DAB1: variants seen among roughly 807,000 people sequenced by gnomAD.
The protein encoded by DAB1 is DAB adaptor protein 1, also known as disabled homolog 1.
A neutral mutation model predicts 64.6 loss-of-function variants in DAB1; 15 were observed. The ratio of observed to expected loss-of-function variants is 0.23; its 90% CI spans 0.16 to 0.36. The LOEUF is 0.36. Among genes scored for constraint, DAB1 ranks in the 10% least tolerant of loss-of-function variants. The probability of loss-of-function intolerance (pLI) is 1.00; values close to 1 mark genes in which losing one functional copy is unlikely to be tolerated. For missense variants in DAB1, 596 were observed against 706.7 expected (o/e 0.84, Z 1.78); for synonymous variants, 235 against 251.9 (o/e 0.93, Z 0.64).
At chr1:58,419,201 G>A (rs577139141) in intron 3 of DAB1, among the ~76,000 whole-genome samples, 201 of 152,268 alleles carry the variant, frequency 1.3e-3, no homozygotes, top group African/African-American at 4.4e-3. Flanking sequence ...CTCCCCATGA[G>A]TTCCTTGTAC....
At chr1:57,828,244 C>T (rs1652442716) in intron 1 of DAB1, among the ~76,000 whole-genome samples, 3 of 152,092 alleles carry the variant, frequency 2.0e-5, no homozygotes, top group South Asian at 2.1e-4. Context: ...CATGCCTGGC[C>T]GATCATCCCC....
chr1:58,100,017 C>T (rs973358596), intron 5 of DAB1, among the ~76,000 whole-genome samples: 1 of 152,196 alleles, frequency 6.6e-6, no homozygotes, highest in Non-Finnish European at 1.5e-5. Context: ...ACTTGCTTAT[C>T]ACCACCCTGA....
intron 5 of DAB1, among the ~76,000 whole-genome samples, chr1:58,137,189 A>C (rs1386008805): frequency 6.6e-6 from 1 of 152,238 alleles, no homozygotes; most frequent in Non-Finnish European, 1.5e-5. Flanking sequence ...TCATAGAATT[A>C]CAAGACTAAA....
At chr1:57,128,947 A>C (rs113071872) in intron 4 of DAB1, among the ~76,000 whole-genome samples, 2 of 152,136 alleles carry the variant, frequency 1.3e-5, no homozygotes, top group African/African-American at 4.8e-5. Context: ...CAGCTCCACA[A>C]TGTACTGGAT....
At chr1:57,789,417 G>C (rs1650488910) in intron 6 of DAB1, among the ~76,000 whole-genome samples, 1 of 152,102 alleles carries the variant, frequency 6.6e-6, no homozygotes, top group Admixed American at 6.6e-5. Context: ...AACAGAAATG[G>C]GTGGCTTGAA....
At chr1:58,084,774 A>G (rs1316130556) in intron 5 of DAB1, among the ~76,000 whole-genome samples, 1 of 149,194 alleles carries the variant, frequency 6.7e-6, no homozygotes, top group East Asian at 2.0e-4. Context: ...TATATATTAC[A>G]TATTATATAT....
At chr1:57,546,395 T>C (rs1644857162) in intron 7 of DAB1, among the ~76,000 whole-genome samples, 1 of 152,194 alleles carries the variant, frequency 6.6e-6, no homozygotes, top group Non-Finnish European at 1.5e-5. Context: ...AAATATAATA[T>C]GCAGTGTGAT....
chr1:57,066,560 T>G (rs1314733454), intron 8 of DAB1, among the ~76,000 whole-genome samples: 2 of 152,208 alleles, frequency 1.3e-5, no homozygotes, highest in African/African-American at 4.8e-5. Context: ...TCCCTTTTGT[T>G]GGAGTTATAA....
intron 5 of DAB1, among the ~76,000 whole-genome samples, chr1:58,149,899 T>C (rs368194071): frequency 1.2e-4 from 19 of 152,210 alleles, no homozygotes; most frequent in Admixed American, 5.9e-4. Flanking sequence ...ACTTCTTTTA[T>C]AATGAAGCTA....
intron 4 of DAB1, among the ~76,000 whole-genome samples, chr1:58,217,490 T>C (rs1253457288): frequency 6.6e-6 from 1 of 152,254 alleles, no homozygotes; most frequent in African/African-American, 2.4e-5. Flanking sequence ...TACCCACTTA[T>C]TCATTTTCCT....
intron 7 of DAB1, among the ~76,000 whole-genome samples, chr1:57,516,121 C>CTGGAG (rs1644461151): frequency 6.6e-6 from 1 of 152,110 alleles, no homozygotes. Context: ...CTTAAACAGA[C>CTGGAG]TGGAGTGGGG....
intron 2 of DAB1, among the ~76,000 whole-genome samples, chr1:57,184,350 T>TA (rs1172448175): frequency 6.6e-6 from 1 of 152,200 alleles, no homozygotes; most frequent in African/African-American, 2.4e-5. Context: ...GATTAGTGGT[T>TA]ACGCTGCATC....
At chr1:58,408,235 C>T (rs570044663) in intron 3 of DAB1, among the ~76,000 whole-genome samples, 1,556 of 152,282 alleles carry the variant, frequency 0.01, 32 homozygotes, top group African/African-American at 0.035. Context: ...GGGACCTTTT[C>T]ACCTGCTCTT....
chr1:57,314,989 T>C (rs1317964538), intron 1 of DAB1, among the ~76,000 whole-genome samples: 5 of 152,164 alleles, frequency 3.3e-5, no homozygotes, highest in African/African-American at 1.2e-4. Context: ...GCACTTACTT[T>C]AAATAAGACC....
At chr1:57,645,870 G>A (rs1204102262) in intron 7 of DAB1, among the ~76,000 whole-genome samples, 2 of 152,142 alleles carry the variant, frequency 1.3e-5, no homozygotes, top group East Asian at 3.9e-4. Flanking sequence ...GAGCCCTCTC[G>A]AAGTTTTTAC....
chr1:57,049,993 C>T (rs1175358349), intron 9 of DAB1, among the ~76,000 whole-genome samples: 1 of 152,190 alleles, frequency 6.6e-6, no homozygotes, highest in Non-Finnish European at 1.5e-5. Context: ...TGGGCTCCCA[C>T]TGGGCAGTGC....
intron 5 of DAB1, among the ~76,000 whole-genome samples, chr1:58,009,027 T>A (rs1275707293): frequency 2.6e-5 from 4 of 152,186 alleles, no homozygotes; most frequent in Admixed American, 1.3e-4. Context: ...ATAATGTCTA[T>A]TATGTGCTTA....
intron 4 of DAB1, among the ~76,000 whole-genome samples, chr1:58,167,676 G>A (rs1655935488): frequency 6.6e-6 from 1 of 152,226 alleles, no homozygotes; most frequent in Non-Finnish European, 1.5e-5. Context: ...TTTATGAGCT[G>A]TAACACTCAC....
intron 6 of DAB1, among the ~76,000 whole-genome samples, chr1:57,737,654 CT>C (rs1296212517): frequency 6.6e-6 from 1 of 152,220 alleles, no homozygotes; most frequent in Non-Finnish European, 1.5e-5. Flanking sequence ...CCTGGAGTGT[CT>C]TTAATGGCAA....
Sources: gnomAD v4.1 joint callset for allele counts (sites outside exome capture counted in the v4.1 genomes callset) on GRCh38, gnomAD v4.1.1 for gene constraint, MANE v1.5 for transcripts, NCBI Gene and HGNC (gene_info 2026-07-23, HGNC 2026-07-21) for gene names.